The following PCDHGB6 variants were observed in gnomAD, a reference collection of about 807,000 sequenced individuals.
PCDHGB6 encodes the protein protocadherin gamma-B6.
PCDHGB6 carries 51 observed loss-of-function variants against 59.1 expected under a neutral mutation model. The ratio of observed to expected loss-of-function variants is 0.86; its 90% confidence interval spans 0.69 to 1.09. PCDHGB6 has a LOEUF of 1.09. PCDHGB6 is among the 50% of genes least tolerant of loss of function. PCDHGB6 has a pLI of 0.00. For synonymous variants in PCDHGB6, 466 were observed against 495.1 expected (o/e 0.94, Z 0.78); for missense variants, 1,148 against 1,205.1 (o/e 0.95, Z 0.70).
rs189987196 is a variant in PCDHGB6, at chr5:141,420,754, C to T, written c.2418+10134C>T. Among the ~76,000 whole-genome samples, 291 of 152,292 alleles carry T rather than the reference C, an allele frequency of 1.9e-3. 2 individuals carry two copies. The highest frequency in any genetic ancestry group is 3.6e-3 in the Non-Finnish European group (248 of 68,020). On this transcript the variant is annotated intron_variant, in intron 1 of 3. Coordinates refer to ENST00000520790, the MANE Select transcript of PCDHGB6 (RefSeq NM_018926.3). ...TAAAATCAATTGGAACCAACTACAA[C>T]CTACAAGTTTTCAGCTCCAGTAATA... is the stretch of plus-strand genomic sequence containing the variant.
rs778681839 is a variant in PCDHGB6 at position 141,409,600 on chromosome 5, G to T, written c.1398G>T (p.Pro466=). 11 of 1,613,882 alleles carry T rather than the reference G, an allele frequency of 6.8e-6. No individual in the cohort carries two copies. Among genetic ancestry groups the T allele is most frequent in the Admixed American group, 1.7e-5 (1 of 60,032 alleles). Residue 466 remains proline, a synonymous_variant, in exon 1 of 4, where the codon CCG becomes CCT. Transcript: ENST00000520790. ...SYVVHVAENN[P]PGASIAQVSA... is the part of the protein sequence containing the mutation. The stretch of plus-strand genomic sequence containing the variant: ...TGGTCCACGTGGCCGAGAACAACCC[G>T]CCAGGAGCCTCCATTGCGCAAGTGA...
chr5:141,502,250 TA>T (rs2099813542), intron 2 of PCDHGB6, among the ~76,000 whole-genome samples: 1 of 152,242 alleles, frequency 6.6e-6, no homozygotes, highest in African/African-American at 2.4e-5. Flanking sequence ...TCCTTTTTTT[TA>T]ATCCAGGATT....
Position 141,418,036 on chromosome 5 carries a change from G to C in PCDHGB6, c.2418+7416G>C, listed in dbSNP as rs933500300. ...CTAAGGATCTAGGGCTTAGTGTCCT[G>C]GATGTGTCGGCTCGCGAGCTGCGAG... On this transcript the variant is annotated intron_variant, in intron 1 of 3. Coordinates refer to ENST00000520790, the MANE Select transcript of PCDHGB6 (RefSeq NM_018926.3). 3.7e-6 allele frequency: 6 copies of C among 1,613,902 alleles called. No individual in the cohort carries two copies. The African/African-American group carries it at 8.0e-5, about 22-fold the overall frequency.
rs1562150111 is a variant in PCDHGB6, at chr5:141,491,805, T to G, written c.2419-3002T>G. 1 of 1,495,892 alleles carries G rather than the reference T, an allele frequency of 6.7e-7. No homozygotes were observed. 92.7% of individuals were successfully genotyped at this position (1,495,892 alleles called of 1,614,324 possible). A position where few individuals can be genotyped will look rare whatever the true frequency, so the allele number is the denominator to read the frequency against. On this transcript the variant is annotated intron_variant, in intron 1 of 3. Coordinates refer to ENST00000520790, the MANE Select transcript of PCDHGB6 (RefSeq NM_018926.3). This position sits in a 1 kb window ranked among gnomAD's most constrained non-coding sequence, Gnocchi z 6.9. ...TGCATCCACTCCTCTCCGGCCGGCT[T>G]GGTCGCTGGCTGCGCTCCACCCGAT... is the stretch of plus-strand genomic sequence containing the variant.
intron 1 of PCDHGB6, chr5:141,422,903 A>G (rs1444530801): frequency 1.9e-6 from 3 of 1,614,036 alleles, no homozygotes; most frequent in African/African-American, 2.7e-5. Context: ...CAGAACGACA[A>G]TGCGCCCGAG....
chr5:141,423,647 C>T (rs775169904), intron 1 of PCDHGB6: 3 of 1,589,144 alleles, frequency 1.9e-6, no homozygotes, highest in Non-Finnish European at 2.6e-6. Flanking sequence ...AAATGTGACC[C>T]GACAAGTAAT....
intron 1 of PCDHGB6, chr5:141,430,744 C>T: frequency 6.7e-7 from 1 of 1,498,404 alleles, no homozygotes; most frequent in Non-Finnish European, 8.9e-7. Flanking sequence ...GAAAATAATT[C>T]TGGAGGAAGA....
rs1271891195 is a variant in PCDHGB6, at chr5:141,477,108, C to A, written c.2419-17699C>A. The A allele has an allele frequency of 2.5e-6, 4 of 1,614,232 alleles. No individual in the cohort carries two copies. Among genetic ancestry groups the A allele is most frequent in the Non-Finnish European group, 2.5e-6 (3 of 1,180,046 alleles). ...CAGGCCAAAGACAAGGGCGCCAATCCCGAAGGAGCACATTGCAAAGTGTTG... is the reference window on the plus strand; with the variant it reads ...CAGGCCAAAGACAAGGGCGCCAATCACGAAGGAGCACATTGCAAAGTGTTG... On this transcript the variant is annotated intron_variant, in intron 1 of 3. Coordinates refer to ENST00000520790, the MANE Select transcript of PCDHGB6 (RefSeq NM_018926.3). The surrounding 1 kb of genome is among the most constrained non-coding windows in gnomAD (Gnocchi z 4.9).
chr5:141,487,591 C>T lies in PCDHGB6; in HGVS notation c.2419-7216C>T. 8 of 1,614,176 alleles carry T rather than the reference C, an allele frequency of 5.0e-6. No homozygotes were observed. The highest frequency in any genetic ancestry group is 6.8e-6 in the Non-Finnish European group (8 of 1,180,036). On this transcript the variant is annotated intron_variant, in intron 1 of 3. Coordinates refer to ENST00000520790, the MANE Select transcript of PCDHGB6 (RefSeq NM_018926.3). The surrounding 1 kb of genome is among the most constrained non-coding windows in gnomAD (Gnocchi z 5.0). ...AGCCTGTTCGCCCAAGCTGCCCACC[C>T]TCTGATCTTCTCTATGGGCTAGAGG...
chr5:141,415,686 G>T, intron 1 of PCDHGB6: 2 of 1,535,424 alleles, frequency 1.3e-6, no homozygotes, highest in Middle Eastern at 1.7e-4. Flanking sequence ...GCGGCATGAT[G>T]GTGGAAAGTG....
At chr5:141,498,137 G>T (rs1319960274) in intron 2 of PCDHGB6, among the ~76,000 whole-genome samples, 1 of 152,204 alleles carries the variant, frequency 6.6e-6, no homozygotes, top group Non-Finnish European at 1.5e-5. Context: ...GGAGCAGGAG[G>T]ACATCCTGGA....
At position 141,410,592 on chromosome 5, in the gene PCDHGB6, T is replaced by C; in HGVS notation, c.2390T>C (p.Leu797Ser). The C allele has an allele frequency of 1.2e-6, 2 of 1,609,264 alleles. No individual in the cohort carries two copies. The highest frequency in any genetic ancestry group is 1.7e-6 in the Non-Finnish European group (2 of 1,179,876). Reference protein sequence around the residue: ...ALIPPHGGEDLTSHPETLTSQ... With the variant: ...ALIPPHGGEDSTSHPETLTSQ... The stretch of plus-strand genomic sequence containing the variant: ...ATTCCACCTCATGGTGGGGAGGATT[T>C]GACTTCACATCCTGAGACTCTGACT... The change falls in exon 1 of 4, where the codon TTG (leucine) becomes TCG (serine). Residue 797 changes from leucine (L) to serine (S), a missense_variant. Around this residue, in one of 5 missense-constraint regions of PCDHGB6, gnomAD observed 283 missense variants for 318.6 expected, o/e 0.89. Coordinates refer to ENST00000520790, the MANE Select transcript of PCDHGB6 (RefSeq NM_018926.3).
At chr5:141,415,046 G>C in intron 1 of PCDHGB6, 1 of 1,613,468 alleles carries the variant, frequency 6.2e-7, no homozygotes, top group Non-Finnish European at 8.5e-7. Context: ...TTCGCGGTGG[G>C]GGAGCACACG....
intron 1 of PCDHGB6, chr5:141,419,302 C>A: frequency 6.2e-7 from 1 of 1,614,024 alleles, no homozygotes; most frequent in Non-Finnish European, 8.5e-7. Flanking sequence ...ACCCAGACTT[C>A]GGGCTCAACG....
chr5:141,489,300 C>G lies in PCDHGB6; in HGVS notation c.2419-5507C>G. The G allele has an allele frequency of 6.3e-7, 1 of 1,585,700 alleles. No individual in the cohort carries two copies. The highest frequency in any genetic ancestry group is 1.2e-5 in the South Asian group (1 of 85,012). Reference sequence around the variant, plus strand: ...AATGGCAAGTGCTGTGCATGTTGTCCTTGTGCTGCTGGGGCTGGGTGTCTG... The same window carrying G: ...AATGGCAAGTGCTGTGCATGTTGTCGTTGTGCTGCTGGGGCTGGGTGTCTG... On this transcript the variant is annotated intron_variant, in intron 1 of 3. Coordinates refer to ENST00000520790, the MANE Select transcript of PCDHGB6 (RefSeq NM_018926.3). This position sits in a 1 kb window ranked among gnomAD's most constrained non-coding sequence, Gnocchi z 4.5.
rs781289120 is a variant in PCDHGB6 at position 141,431,571 on chromosome 5, A to G, written c.2418+20951A>G. ...GTAGTCAACGCTACCGACCCTGACG[A>G]AGGAGTCAATGCGGAAGTGAGGTAT... is the stretch of plus-strand genomic sequence containing the variant. On this transcript the variant is annotated intron_variant, in intron 1 of 3. Transcript: ENST00000520790. The surrounding 1 kb of genome is among the most constrained non-coding windows in gnomAD (Gnocchi z 4.8). 6.2e-7 allele frequency: 1 copy of G among 1,614,144 alleles called. No homozygotes were observed. The highest frequency in any genetic ancestry group is 2.2e-5 in the East Asian group (1 of 44,882).
intron 1 of PCDHGB6, chr5:141,484,858 T>A: frequency 4.1e-6 from 1 of 245,806 alleles, no homozygotes; most frequent in Non-Finnish European, 7.8e-6. Context: ...TTTTGGGGGG[T>A]GGGGGAGCGT....
At chr5:141,483,694 C>T (rs915328297) in intron 1 of PCDHGB6, among the ~76,000 whole-genome samples, 3 of 151,952 alleles carry the variant, frequency 2.0e-5, no homozygotes, top group African/African-American at 4.8e-5. Flanking sequence ...AGCCAGATTC[C>T]TCTTTTTGAC....
At chr5:141,509,953 G>A (rs987910496) in intron 3 of PCDHGB6, among the ~76,000 whole-genome samples, 4 of 152,282 alleles carry the variant, frequency 2.6e-5, no homozygotes, top group Non-Finnish European at 4.4e-5. Context: ...AAATGCTACC[G>A]GGTATGGCCT....
Sources: allele counts gnomAD v4.1 joint callset (sites outside exome capture counted in the v4.1 genomes callset), GRCh38; gene constraint gnomAD v4.1.1; regional missense constraint gnomAD v4.1.1; non-coding constraint Gnocchi (gnomAD v3.1); transcripts MANE v1.5; gene names NCBI Gene and HGNC (gene_info 2026-07-23, HGNC 2026-07-21).